The following SLC13A4 variants were observed in gnomAD, a reference collection of about 807,000 sequenced individuals.
SLC13A4 encodes Na(+)/sulfate cotransporter SUT-1.
SLC13A4 carries 28 observed loss-of-function variants against 72.7 expected under a neutral mutation model. The ratio of observed to expected loss-of-function variants is 0.39; its 90% CI spans 0.29 to 0.53. SLC13A4 has a LOEUF of 0.53. Ranked by LOEUF, SLC13A4 falls within the 20% of genes least tolerant of loss-of-function variation. The pLI, the probability that SLC13A4 is intolerant of heterozygous loss-of-function variation, is 0.78. For missense variants in SLC13A4, 653 were observed against 788.0 expected, an observed-to-expected ratio of 0.83 and a Z score of 2.05; for synonymous variants, 312 against 325.5, an observed-to-expected ratio of 0.96 and a Z score of 0.45.
At chr7:135,722,030 C>A (rs1227454203) in intron 1 of SLC13A4, among the ~76,000 whole-genome samples, 1 of 152,086 alleles carries the variant, frequency 6.6e-6, no homozygotes, top group African/African-American at 2.4e-5. Flanking sequence ...CACTTGAGCC[C>A]AGGAGTTTGA....
At chr7:135,692,258 A>G (rs771130203) in intron 11 of SLC13A4, 65 bp downstream of exon 11, 21 of 1,144,114 alleles carry the variant, frequency 1.8e-5, no homozygotes, top group Middle Eastern at 1.9e-4. Flanking sequence ...CTGAGAGTCT[A>G]TGAAGTCTTG....
At chr7:135,682,956 T>C (rs1795536767) in intron 15 of SLC13A4, among the ~76,000 whole-genome samples, 1 of 151,966 alleles carries the variant, frequency 6.6e-6, no homozygotes, top group African/African-American at 2.4e-5. Flanking sequence ...GGACACTCCA[T>C]TCAAGGAAGT....
At chr7:135,708,303 C>G in intron 2 of SLC13A4, 53 bp from the exon 3 acceptor site, 1 of 1,608,022 alleles carries the variant, frequency 6.2e-7, no homozygotes, top group Non-Finnish European at 8.5e-7. Context: ...GACCCAGGGC[C>G]CAGCACCAGC....
chr7:135,714,858 A>ACTC (rs1200459280), intron 2 of SLC13A4, among the ~76,000 whole-genome samples: 1 of 152,016 alleles, frequency 6.6e-6, no homozygotes, highest in African/African-American at 2.4e-5. Flanking sequence ...CGCAGCCTGT[A>ACTC]CTCCTCTCCT....
chr7:135,702,008 G>T, intron 6 of SLC13A4: 1 of 378,390 alleles, frequency 2.6e-6, no homozygotes, highest in Non-Finnish European at 4.7e-6. Context: ...TTAGAGGAGA[G>T]CCAGCCTTTC....
chr7:135,685,569 T>A lies in SLC13A4; in HGVS notation c.1561A>T (p.Ser521Cys). 1 of 1,614,104 alleles carries A rather than the reference T, an allele frequency of 6.2e-7. No individual in the cohort carries two copies. Among genetic ancestry groups the A allele is most frequent in the Non-Finnish European group, 8.5e-7 (1 of 1,180,010 alleles). Residue 521 changes from serine to cysteine, a missense_variant, in exon 14 of 16, where the codon AGC becomes TGC. Ser to Cys is a moderately radical substitution (Grantham distance 112). Coordinates refer to ENST00000682651, the MANE Select transcript of SLC13A4 (RefSeq NM_001318192.2). ...AAGATGGTGATGGTTGCTGGGTTGC[T>A]CACAAACTCAGTGACAATGGACACG... ...ILVSIVTEFVSNPATITIFLP... is the reference protein window; with the variant it reads ...ILVSIVTEFVCNPATITIFLP...
At chr7:135,684,092 G>C in intron 15 of SLC13A4, 32 bp downstream of exon 15, 2 of 1,568,744 alleles carry the variant, frequency 1.3e-6, no homozygotes, top group Non-Finnish European at 1.7e-6. Flanking sequence ...CATGGCAGCT[G>C]GGCCTGGCAG....
rs148180858 is a variant in SLC13A4, at chr7:135,722,257, A to AAAACAAAC, written c.100-735_100-734insGTTTGTTT. On this transcript the variant is annotated intron_variant, in intron 1 of 15. Transcript: ENST00000682651. Reference sequence around the variant, plus strand: ...CTATAGAGTACAATGCTGTCTCAAAAAAACAAGCAAACAAACAAAAAAAAC... The same window carrying AAAACAAAC: ...CTATAGAGTACAATGCTGTCTCAAAAAAACAAACAAACAAGCAAACAAACAAAAAAAAC... Among the ~76,000 whole-genome samples, 696 of 144,886 alleles carry AAAACAAAC rather than the reference A, an allele frequency of 4.8e-3. 8 individuals carry two copies. The highest frequency in any genetic ancestry group is 0.016 in the African/African-American group (628 of 39,162).
intron 3 of SLC13A4, 39 bp from the exon 4 acceptor site, chr7:135,706,339 A>G: frequency 6.4e-7 from 1 of 1,561,116 alleles, no homozygotes; most frequent in Non-Finnish European, 8.7e-7. Flanking sequence ...CGTCCACGGA[A>G]CACACATCCC....
intron 15 of SLC13A4, among the ~76,000 whole-genome samples, chr7:135,682,835 CAGT>C (rs1795534071): frequency 6.6e-6 from 1 of 152,078 alleles, no homozygotes; most frequent in South Asian, 2.1e-4. Flanking sequence ...AGCTAGGGGT[CAGT>C]GGTGGGGGCA....
rs569406652 is a variant in SLC13A4 at position 135,713,295 on chromosome 7, A to G, written c.229-5045T>C. 7.2e-5 allele frequency among the ~76,000 whole-genome samples: 11 copies of G among 152,278 alleles called. No individual in the cohort carries two copies. In the East Asian group the frequency reaches 2.1e-3, roughly 29 times the overall value. ...TTTCTGCTCTGTGGTTTTTCTCAGT[A>G]TGCCACATCACTGAACTTGGAGAGC... On this transcript the variant is annotated intron_variant, in intron 2 of 15. Coordinates refer to ENST00000682651, the MANE Select transcript of SLC13A4 (RefSeq NM_001318192.2).
chr7:135,724,986 C>T (rs1796625400), intron 1 of SLC13A4, among the ~76,000 whole-genome samples: 1 of 152,216 alleles, frequency 6.6e-6, no homozygotes, highest in Non-Finnish European at 1.5e-5. Context: ...CTGCACTGGA[C>T]TTCTCTGCTG....
chr7:135,708,010 A>T (rs1796207241), intron 3 of SLC13A4, 104 bp downstream of exon 3: 1 of 1,438,460 alleles, frequency 7.0e-7, no homozygotes, highest in Non-Finnish European at 9.5e-7. Context: ...TTGGTAAAAA[A>T]ACAGCTGAAG....
At chr7:135,727,069 T>A (rs945474555) in intron 1 of SLC13A4, among the ~76,000 whole-genome samples, 1 of 152,208 alleles carries the variant, frequency 6.6e-6, no homozygotes, top group African/African-American at 2.4e-5. Flanking sequence ...CCATGTCGTT[T>A]GCATGGGTGT....
intron 13 of SLC13A4, 24 bp downstream of exon 13, chr7:135,691,176 CA>C (rs201222459): frequency 0.039 from 52,630 of 1,345,196 alleles, 14 homozygotes; most frequent in Middle Eastern, 0.05. Context: ...AAAAAAACCC[CA>C]AAAAAACAGA....
At position 135,691,543 on chromosome 7, in the gene SLC13A4, C is replaced by T; in HGVS notation, c.1321+5G>A. Reference sequence around the variant, plus strand: ...AGCTACCCCCAGTTTCTTCCCTTCTCTCACCATCATTCTTTTTCCCAAAGC... The same window carrying T: ...AGCTACCCCCAGTTTCTTCCCTTCTTTCACCATCATTCTTTTTCCCAAAGC... On this transcript the variant is annotated splice_donor_5th_base_variant and intron_variant, in intron 12 of 15. Coordinates refer to ENST00000682651, the MANE Select transcript of SLC13A4 (RefSeq NM_001318192.2). 6.2e-7 allele frequency: 1 copy of T among 1,608,232 alleles called. No individual in the cohort carries two copies. The highest frequency in any genetic ancestry group is 8.5e-7 in the Non-Finnish European group (1 of 1,174,708).
intron 15 of SLC13A4, 22 bp downstream of exon 15, chr7:135,684,102 G>C (rs762865358): frequency 1.9e-6 from 3 of 1,577,868 alleles, no homozygotes; most frequent in Admixed American, 3.4e-5. Flanking sequence ...GGGCCTGGCA[G>C]GGAGAGGGCA....
Position 135,681,520 on chromosome 7 carries a change from A to G in SLC13A4, c.*43T>C. 1 of 1,597,364 alleles carries G rather than the reference A, an allele frequency of 6.3e-7. No individual in the cohort carries two copies. Among genetic ancestry groups the G allele is most frequent in the Non-Finnish European group, 8.5e-7 (1 of 1,170,182 alleles). Reference sequence around the variant, plus strand: ...TTGCCTGTGGTCCAGATACTGCTGGATACTGGCAGCTCCTGTGGTTGGGCC... The same window carrying G: ...TTGCCTGTGGTCCAGATACTGCTGGGTACTGGCAGCTCCTGTGGTTGGGCC... On this transcript the variant is annotated 3_prime_UTR_variant, in exon 16 of 16. Coordinates refer to ENST00000682651, the MANE Select transcript of SLC13A4 (RefSeq NM_001318192.2).
intron 7 of SLC13A4, 43 bp downstream of exon 7, chr7:135,701,637 C>T (rs780670124): frequency 1.4e-5 from 22 of 1,584,712 alleles, no homozygotes; most frequent in South Asian, 8.9e-5. Flanking sequence ...CAGTTCACAG[C>T]GTTTCATGTA....
Sources: allele counts gnomAD v4.1 joint callset (sites outside exome capture counted in the v4.1 genomes callset), GRCh38; gene constraint gnomAD v4.1.1; transcripts MANE v1.5; gene names NCBI Gene and HGNC (gene_info 2026-07-23, HGNC 2026-07-21).